RABGAP1L: variants seen among roughly 807,000 people sequenced by gnomAD.
RABGAP1L encodes the protein rab GTPase-activating protein 1-like.
A neutral mutation model predicts 137.7 loss-of-function variants in RABGAP1L; 63 were observed. The observed-to-expected ratio is 0.46, with a 90% CI of 0.37 to 0.56. RABGAP1L has a LOEUF of 0.56. Among genes scored for constraint, RABGAP1L ranks in the 20% least tolerant of loss-of-function variants. The pLI, the probability that RABGAP1L is intolerant of heterozygous loss-of-function variation, is 0.00. For missense variants in RABGAP1L, 1,095 were observed against 1,244.0 expected (o/e 0.88, Z 1.80); for synonymous variants, 431 against 433.7 (o/e 0.99, Z 0.08).
Position 174,305,119 on chromosome 1 carries a change from C to T in RABGAP1L, c.1457C>T (p.Ala486Val). 1.3e-6 allele frequency: 2 copies of T among 1,530,880 alleles called. No homozygotes were observed. The highest frequency in any genetic ancestry group is 8.7e-7 in the Non-Finnish European group (1 of 1,150,104). 94.8% of individuals were successfully genotyped at this position (1,530,880 alleles called of 1,614,324 possible). Residue 486 changes from alanine (A) to valine (V), a missense_variant, in exon 11 of 26, where the codon GCA becomes GTA. By Grantham distance (64) the Ala-to-Val change is moderately conservative. Around this residue, in one of 4 missense-constraint regions of RABGAP1L, gnomAD observed 315 missense variants for 324.8 expected, o/e 0.97. Transcript: ENST00000681986. ...CCAATGTCACCCCAGGATGATGAAGCAGAAGAGGGTAAGAAGTTGGACTTA... is the reference window on the plus strand; with the variant it reads ...CCAATGTCACCCCAGGATGATGAAGTAGAAGAGGGTAAGAAGTTGGACTTA... ...GGPMSPQDDEAEEESDNELSS... is the reference protein window; with the variant it reads ...GGPMSPQDDEVEEESDNELSS...
intron 19 of RABGAP1L, among the ~76,000 whole-genome samples, chr1:174,879,962 G>T (rs573635659): frequency 3.3e-5 from 5 of 151,318 alleles, no homozygotes; most frequent in Non-Finnish European, 7.4e-5. Context: ...GCATAGTGGC[G>T]CATGCCCATA....
chr1:174,442,615 T>A (rs931281216), intron 13 of RABGAP1L, among the ~76,000 whole-genome samples: 4 of 152,126 alleles, frequency 2.6e-5, no homozygotes, highest in African/African-American at 9.7e-5. Context: ...TAATAATACA[T>A]AATAGTTATA....
At chr1:174,763,582 C>T (rs1426016825) in intron 18 of RABGAP1L, among the ~76,000 whole-genome samples, 5 of 129,052 alleles carry the variant, frequency 3.9e-5, no homozygotes, top group South Asian at 5.4e-4. Flanking sequence ...ACCTGGGAGG[C>T]GGAGCTTGCA....
At chr1:174,558,157 C>T (rs1281682127) in intron 13 of RABGAP1L, among the ~76,000 whole-genome samples, 17 of 152,098 alleles carry the variant, frequency 1.1e-4, no homozygotes, top group Admixed American at 2.6e-4. Flanking sequence ...GCAGTTCATC[C>T]GTATTACTCT....
intron 13 of RABGAP1L, among the ~76,000 whole-genome samples, chr1:174,567,708 A>C (rs987378660): frequency 6.6e-6 from 1 of 152,180 alleles, no homozygotes; most frequent in African/African-American, 2.4e-5. Flanking sequence ...AGTTGATGAG[A>C]GCTTCGTAGT....
rs533009227 is a variant in RABGAP1L, at chr1:174,861,287, G to A, written c.2340+49327G>A. Among the ~76,000 whole-genome samples the A allele has an allele frequency of 8.5e-5, 13 of 152,144 alleles. No homozygotes were observed. The South Asian group carries it at 2.7e-3, about 32-fold the overall frequency. On this transcript the variant is annotated intron_variant, in intron 19 of 25. Transcript: ENST00000681986. ...CAAGATTTCCTTCTTTTTTATGACT[G>A]AATAATATTCTATTATGTATATCTA...
intron 18 of RABGAP1L, among the ~76,000 whole-genome samples, chr1:174,760,382 G>A (rs886480555): frequency 2.6e-5 from 4 of 152,096 alleles, no homozygotes; most frequent in African/African-American, 7.2e-5. Context: ...TTGTGTCCAC[G>A]TGTACTCAAT....
At chr1:174,728,931 G>A (rs772740810) in intron 17 of RABGAP1L, among the ~76,000 whole-genome samples, 9 of 152,200 alleles carry the variant, frequency 5.9e-5, no homozygotes, top group Non-Finnish European at 8.8e-5. Context: ...GTGAGCCACC[G>A]TGCCTGGCCA....
At chr1:174,566,328 G>A (rs1056007405) in intron 13 of RABGAP1L, among the ~76,000 whole-genome samples, 12 of 152,000 alleles carry the variant, frequency 7.9e-5, no homozygotes, top group East Asian at 1.9e-4. Context: ...TTTTAATTTC[G>A]TTTTTTCTTT....
intron 19 of RABGAP1L, among the ~76,000 whole-genome samples, chr1:174,839,342 T>A (rs986332519): frequency 2.0e-5 from 3 of 152,148 alleles, no homozygotes; most frequent in Non-Finnish European, 2.9e-5. Flanking sequence ...CACATGCACA[T>A]CCACACACAG....
intron 13 of RABGAP1L, among the ~76,000 whole-genome samples, chr1:174,437,823 G>C (rs544177463): frequency 4.3e-4 from 65 of 152,298 alleles, no homozygotes; most frequent in Admixed American, 9.2e-4. Flanking sequence ...CAGAGAGAAA[G>C]GTCGGGTTAC....
At chr1:174,566,481 A>G (rs1254094158) in intron 13 of RABGAP1L, among the ~76,000 whole-genome samples, 2 of 152,164 alleles carry the variant, frequency 1.3e-5, no homozygotes, top group East Asian at 1.9e-4. Flanking sequence ...TTAAGACTGC[A>G]TAATCCAGCA....
intron 19 of RABGAP1L, among the ~76,000 whole-genome samples, chr1:174,920,291 G>C (rs1219268882): frequency 6.6e-6 from 1 of 152,224 alleles, no homozygotes; most frequent in Middle Eastern, 3.2e-3. Context: ...AAGGCAAGGA[G>C]GAGCAAGTCA....
At chr1:174,468,100 CTG>C (rs1298185210) in intron 13 of RABGAP1L, among the ~76,000 whole-genome samples, 1 of 152,052 alleles carries the variant, frequency 6.6e-6, no homozygotes, top group South Asian at 2.1e-4. Flanking sequence ...ATTGCTGTAT[CTG>C]TAATATTTTG....
At chr1:174,340,236 CCTTT>C (rs1385854135) in intron 11 of RABGAP1L, among the ~76,000 whole-genome samples, 1 of 152,162 alleles carries the variant, frequency 6.6e-6, no homozygotes, top group African/African-American at 2.4e-5. Context: ...TAAAACTCTT[CCTTT>C]GAGAAGTTAA....
At chr1:174,338,798 G>T (rs61828629) in intron 11 of RABGAP1L, among the ~76,000 whole-genome samples, 3,015 of 152,002 alleles carry the variant, frequency 0.02, 49 homozygotes, top group Middle Eastern at 0.054. Context: ...AATAAAATAT[G>T]AATTGGTACT....
At chr1:174,289,596 G>T (rs1478762901) in intron 10 of RABGAP1L, among the ~76,000 whole-genome samples, 1 of 152,190 alleles carries the variant, frequency 6.6e-6, no homozygotes, top group African/African-American at 2.4e-5. Flanking sequence ...TTTAGGAAGT[G>T]ATCACCTCTT....
chr1:174,763,526 C>T (rs1231032939), intron 18 of RABGAP1L, among the ~76,000 whole-genome samples: 1 of 151,340 alleles, frequency 6.6e-6, no homozygotes, highest in East Asian at 2.0e-4. Context: ...TAGCGGGCGC[C>T]TGTAGTCCCA....
At chr1:174,751,043 T>G (rs1573026473) in intron 17 of RABGAP1L, among the ~76,000 whole-genome samples, 1 of 152,308 alleles carries the variant, frequency 6.6e-6, no homozygotes, top group East Asian at 1.9e-4. Flanking sequence ...CAGTCCAGGA[T>G]AATTGCTTAG....
Sources: gnomAD v4.1 joint callset for allele counts (sites outside exome capture counted in the v4.1 genomes callset) on GRCh38, gnomAD v4.1.1 for gene constraint, gnomAD v4.1.1 regional missense constraint, MANE v1.5 for transcripts, NCBI Gene and HGNC (gene_info 2026-07-23, HGNC 2026-07-21) for gene names.